Variants in C11orf58 observed in about 807,000 individuals in gnomAD.
The protein encoded by C11orf58 is small acidic protein.
C11orf58 carries 5 observed loss-of-function variants against 22.7 expected under a neutral mutation model. The ratio of observed to expected loss-of-function variants is 0.22; its 90% CI spans 0.12 to 0.46. The LOEUF (loss-of-function observed/expected upper bound fraction) is 0.46. Ranked by LOEUF, C11orf58 falls within the 20% of genes least tolerant of loss-of-function variation. The pLI, the probability that C11orf58 is intolerant of heterozygous loss-of-function variation, is 0.99. For missense variants in C11orf58, 151 were observed against 223.3 expected (o/e 0.68, Z 2.06); for synonymous variants, 71 against 70.7 (o/e 1.00, Z -0.02).
rs1848580962 is a variant in C11orf58 at position 16,756,738 on chromosome 11, A to ATCTC, written c.*1636_*1639dup. ...AGCCTGACCAACATGGAGAAACCCC[A>ATCTC]TCTCTACTAAAAATACAAAATTAGC... On this transcript the variant is annotated 3_prime_UTR_variant, in exon 5 of 5. Transcript: ENST00000228136. The ATCTC allele has an allele frequency of 6.6e-6, 1 of 151,480 alleles. No homozygotes were observed. Among genetic ancestry groups the ATCTC allele is most frequent in the African/African-American group, 2.4e-5 (1 of 41,246 alleles). 9.4% of individuals were successfully genotyped at this position (151,480 alleles called of 1,614,324 possible).
chr11:16,750,156 A>T (rs1415036254), intron 3 of C11orf58: 2 of 152,262 alleles, frequency 1.3e-5, no homozygotes, highest in Non-Finnish European at 2.9e-5. Flanking sequence ...CAAGAGTCCT[A>T]CTTAAATTGT....
At chr11:16,751,020 G>C (rs765601111) in intron 3 of C11orf58, 1 of 152,166 alleles carries the variant, frequency 6.6e-6, no homozygotes, top group Non-Finnish European at 1.5e-5. Context: ...ATTCACATCT[G>C]TTCATGTAGC....
intron 3 of C11orf58, chr11:16,752,052 G>GATTACAGAGT: frequency 6.6e-6 from 1 of 152,370 alleles, no homozygotes; most frequent in Admixed American, 6.5e-5. Flanking sequence ...AGCCAAACAA[G>GATTACAGAGT]ATTACAGAGT....
At chr11:16,751,608 A>G (rs1452313425) in intron 3 of C11orf58, 1 of 152,200 alleles carries the variant, frequency 6.6e-6, no homozygotes, top group African/African-American at 2.4e-5. Context: ...ATTCAAAGCC[A>G]GACTAGTATT....
intron 1 of C11orf58, among the ~76,000 whole-genome samples, chr11:16,740,382 C>T (rs1021528677): frequency 6.6e-6 from 1 of 152,104 alleles, no homozygotes; most frequent in African/African-American, 2.4e-5. Flanking sequence ...ATAAGCGTAT[C>T]TTTAAGTACC....
chr11:16,741,228 AT>A (rs1202940378), intron 1 of C11orf58, among the ~76,000 whole-genome samples: 1 of 152,252 alleles, frequency 6.6e-6, no homozygotes. Context: ...GTAACAAAAC[AT>A]TTTTTTACTA....
At chr11:16,750,685 A>G (rs1391001652) in intron 3 of C11orf58, 1 of 154,210 alleles carries the variant, frequency 6.5e-6, no homozygotes, top group Non-Finnish European at 1.5e-5. Context: ...TGTGTGATAC[A>G]TTTTTCAGGA....
At chr11:16,741,119 T>C (rs4757428) in intron 1 of C11orf58, among the ~76,000 whole-genome samples, 126,109 of 150,770 alleles carry the variant, frequency 0.84, 52,827 homozygotes, top group Middle Eastern at 0.9. Context: ...AAAAATCTAG[T>C]TATAATATAT....
In C11orf58 at chr11:16,757,836, T is replaced by A. The variant is rs1564886379; in HGVS notation, c.*2732T>A. Among the ~76,000 whole-genome samples, 1 of 152,240 alleles carries A rather than the reference T, an allele frequency of 6.6e-6. No individual in the cohort carries two copies. Among genetic ancestry groups the A allele is most frequent in the African/African-American group, 2.4e-5 (1 of 41,460 alleles). ...TGTTGTTTGTATTCATAGGCAAAAG[T>A]CCTCTTCTCTAGTATAATTTTTTAA... On this transcript the variant is annotated 3_prime_UTR_variant, in exon 5 of 5. Transcript: ENST00000228136.
rs1482394452 is a variant in C11orf58 at position 16,755,030 on chromosome 11, G to C, written c.478G>C (p.Val160Leu). 28 of 1,614,008 alleles carry C rather than the reference G, an allele frequency of 1.7e-5. No individual in the cohort carries two copies. Among genetic ancestry groups the C allele is most frequent in the Admixed American group, 1.5e-4 (9 of 59,988 alleles). Reference sequence around the variant, plus strand: ...CCAAGCTGCTGAGCACCCTGATGAAGTGGAGGATCCCAAAAACAAAAAAGA... The same window carrying C: ...CCAAGCTGCTGAGCACCCTGATGAACTGGAGGATCCCAAAAACAAAAAAGA... ...ELQAAEHPDE[V>L]EDPKNKKDAK... is the part of the protein sequence containing the mutation. The change falls in exon 5 of 5, where the codon GTG becomes CTG. Residue 160 changes from valine to leucine, a missense_variant. Val to Leu is a conservative substitution (Grantham distance 32, BLOSUM62 1). Transcript: ENST00000228136.
chr11:16,750,258 A>T (rs1436851519), intron 3 of C11orf58: 1 of 152,268 alleles, frequency 6.6e-6, no homozygotes, highest in Non-Finnish European at 1.5e-5. Context: ...AAACCTTTAA[A>T]AGTGCTTCAC....
intron 1 of C11orf58, among the ~76,000 whole-genome samples, chr11:16,739,078 A>G (rs1848421483): frequency 6.6e-6 from 1 of 152,050 alleles, no homozygotes; most frequent in Non-Finnish European, 1.5e-5. Flanking sequence ...GAGGAAGGAA[A>G]TTCTGAGAGG....
intron 2 of C11orf58, among the ~76,000 whole-genome samples, chr11:16,745,939 A>G (rs1351582072): frequency 2.0e-5 from 3 of 152,194 alleles, no homozygotes; most frequent in Non-Finnish European, 2.9e-5. Flanking sequence ...ACATTCATTC[A>G]TTTTCCCAAC....
intron 4 of C11orf58, 126 bp from the exon 5 acceptor site, chr11:16,754,745 C>T (rs2134076083): frequency 6.9e-7 from 1 of 1,455,400 alleles, no homozygotes. Context: ...CTACTCAAGT[C>T]TTAAAGCTGT....
rs1004609028 is a variant in C11orf58, at chr11:16,755,948, TAAG to T, written c.*848_*850del. 1.3e-5 allele frequency: 2 copies of T among 152,604 alleles called. No homozygotes were observed. The highest frequency in any genetic ancestry group is 2.1e-4 in the South Asian group (1 of 4,806). 9.5% of individuals were successfully genotyped at this position (152,604 alleles called of 1,614,324 possible). A position where few individuals can be genotyped will look rare whatever the true frequency, so the allele number is the denominator to read the frequency against. ...TACAAATGAGGAACAGGCTTACTGA[TAAG>T]AAGCTGAAACAAGAAATTCTCTTCA... On this transcript the variant is annotated 3_prime_UTR_variant, in exon 5 of 5. Transcript: ENST00000228136.
chr11:16,749,727 G>A (rs1010971996), intron 3 of C11orf58: 1 of 152,370 alleles, frequency 6.6e-6, no homozygotes, highest in African/African-American at 2.4e-5. Context: ...CTGATGATCT[G>A]AATTGGAGCT....
chr11:16,753,740 C>T (rs1403512691), intron 4 of C11orf58: 5 of 395,670 alleles, frequency 1.3e-5, no homozygotes, highest in East Asian at 1.1e-4. Flanking sequence ...GAGTACCTTT[C>T]TTTCCCCCTT....
In C11orf58 at chr11:16,748,138, A is replaced by G. The variant is rs1848502515; in HGVS notation, c.189A>G (p.Ser63=). ...TGRLVIGDHK[S]TSHFRTGEED... ...GTCTTGTTATAGGAGATCACAAATC[A>G]ACATCTCACTTCCGAACCGGTAAGA... The change falls in exon 3 of 5, where the codon TCA becomes TCG. Residue 63 remains serine, a synonymous_variant. Transcript: ENST00000228136. 6.2e-7 allele frequency: 1 copy of G among 1,613,204 alleles called. No individual in the cohort carries two copies. The highest frequency in any genetic ancestry group is 8.5e-7 in the Non-Finnish European group (1 of 1,179,268).
chr11:16,750,272 A>T (rs1369442899), intron 3 of C11orf58: 1 of 152,290 alleles, frequency 6.6e-6, no homozygotes, highest in Non-Finnish European at 1.5e-5. Context: ...GCTTCACCAC[A>T]TGGAGACCAA....
Sources: allele counts gnomAD v4.1 joint callset (sites outside exome capture counted in the v4.1 genomes callset), GRCh38; gene constraint gnomAD v4.1.1; transcripts MANE v1.5; gene names NCBI Gene and HGNC (gene_info 2026-07-23, HGNC 2026-07-21).